SIDT2: variants seen among roughly 807,000 people sequenced by gnomAD.
SIDT2 encodes the protein SID1 transmembrane family, member 2.
In SIDT2, 68 loss-of-function variants were observed where a neutral mutation model predicts 114.4. The ratio of observed to expected loss-of-function variants is 0.59; its 90% CI spans 0.49 to 0.73. SIDT2 has a LOEUF of 0.73. Among genes scored for constraint, SIDT2 ranks in the 30% least tolerant of loss-of-function variants. The pLI is 0.00. For missense variants in SIDT2, 918 were observed against 1,097.1 expected, an observed-to-expected ratio of 0.84 and a Z score of 2.31; for synonymous variants, 470 against 438.4, an observed-to-expected ratio of 1.07 and a Z score of -0.90.
intron 18 of SIDT2, chr11:117,191,578 C>T (rs958918685): frequency 5.6e-5 from 20 of 356,682 alleles, no homozygotes; most frequent in Admixed American, 3.1e-4. Flanking sequence ...AGTGAGACTC[C>T]GTCTCCAAAA....
rs908573504 is a variant in SIDT2, at chr11:117,189,559, C to T, written c.1419+158C>T. ...AGTGACCCAGGGCAAATCACATAAC[C>T]CCCCCAACCCTGAGTGTCAGTTTCT... On this transcript the variant is annotated intron_variant, in intron 15 of 25. Coordinates refer to ENST00000324225, the MANE Select transcript of SIDT2 (RefSeq NM_001040455.2). 23 of 718,140 alleles carry T rather than the reference C, an allele frequency of 3.2e-5. No individual in the cohort carries two copies. The African/African-American group carries it at 3.6e-4, about 11-fold the overall frequency. 44.5% of individuals were successfully genotyped at this position (718,140 alleles called of 1,614,324 possible). A position where few individuals can be genotyped will look rare whatever the true frequency, so the allele number is the denominator to read the frequency against.
In SIDT2 at chr11:117,182,788, G is replaced by A; in HGVS notation, c.684G>A (p.Lys228=). ...GCATGTACCAGACGATGACCAAGAAGGCGGCCATCACCGTACAGGTAGGAA... is the reference window on the plus strand; with the variant it reads ...GCATGTACCAGACGATGACCAAGAAAGCGGCCATCACCGTACAGGTAGGAA... ...FIGMYQTMTK[K]AAITVQRKDF... The change falls in exon 6 of 26, where the codon AAG becomes AAA. Residue 228 remains lysine, a synonymous_variant. Coordinates refer to ENST00000324225, the MANE Select transcript of SIDT2 (RefSeq NM_001040455.2). The A allele has an allele frequency of 6.2e-7, 1 of 1,614,042 alleles. No individual in the cohort carries two copies. The highest frequency in any genetic ancestry group is 8.5e-7 in the Non-Finnish European group (1 of 1,179,974).
Position 117,196,106 on chromosome 11 carries a change from GCTC to G in SIDT2, c.*43_*45del, listed in dbSNP as rs1565290595. Reference sequence around the variant, plus strand: ...TTCGCTTCACCTCAAGGGGCCCTGAGCTCCTTTGTGTCATAGACCGGTCACTCT... The same window carrying G: ...TTCGCTTCACCTCAAGGGGCCCTGAGCTTTGTGTCATAGACCGGTCACTCT... On this transcript the variant is annotated 3_prime_UTR_variant, in exon 26 of 26. Transcript: ENST00000324225. This position sits in a 1 kb window ranked among gnomAD's most constrained non-coding sequence, Gnocchi z 4.9. 1 of 1,613,400 alleles carries G rather than the reference GCTC, an allele frequency of 6.2e-7. No individual in the cohort carries two copies. Among genetic ancestry groups the G allele is most frequent in the South Asian group, 1.1e-5 (1 of 91,050 alleles).
At chr11:117,185,347 C>A (rs962543816) in intron 8 of SIDT2, among the ~76,000 whole-genome samples, 11 of 151,962 alleles carry the variant, frequency 7.2e-5, no homozygotes, top group African/African-American at 2.7e-4. Context: ...CGCGCCCGGC[C>A]AGGGTGCCTC....
rs369675869 is a variant in SIDT2 at position 117,196,125 on chromosome 11, C to T, written c.*59C>T. On this transcript the variant is annotated 3_prime_UTR_variant, in exon 26 of 26. Coordinates refer to ENST00000324225, the MANE Select transcript of SIDT2 (RefSeq NM_001040455.2). This position sits in a 1 kb window ranked among gnomAD's most constrained non-coding sequence, Gnocchi z 4.9. ...CCCTGAGCTCCTTTGTGTCATAGAC[C>T]GGTCACTCTGTCGTGCTGTGGGGAT... 2.6e-4 allele frequency: 422 copies of T among 1,608,476 alleles called. 1 individual carries two copies. Among genetic ancestry groups the T allele is most frequent in the South Asian group, 8.5e-4 (77 of 90,828 alleles).
At chr11:117,189,888 G>A in intron 15 of SIDT2, 64 bp from the exon 16 acceptor site, 2 of 1,545,616 alleles carry the variant, frequency 1.3e-6, no homozygotes, top group Non-Finnish European at 8.9e-7. Context: ...GGGCCCGGAT[G>A]GCGGGGCGTG....
At position 117,196,163 on chromosome 11, in the gene SIDT2, C is replaced by T. The variant is rs1205324219; in HGVS notation, c.*97C>T. ...GTGCTGTGGGGATGAGTCCCAGCACCGCTGCCCAGCACTGGATGGCAGCAG... is the reference window on the plus strand; with the variant it reads ...GTGCTGTGGGGATGAGTCCCAGCACTGCTGCCCAGCACTGGATGGCAGCAG... On this transcript the variant is annotated 3_prime_UTR_variant, in exon 26 of 26. Coordinates refer to ENST00000324225, the MANE Select transcript of SIDT2 (RefSeq NM_001040455.2). This position sits in a 1 kb window ranked among gnomAD's most constrained non-coding sequence, Gnocchi z 4.9. The T allele has an allele frequency of 2.8e-5, 42 of 1,508,248 alleles. No individual in the cohort carries two copies. The highest frequency in any genetic ancestry group is 3.9e-4 in the Middle Eastern group (2 of 5,098). The allele number at this position is 1,508,248 out of a possible 1,614,324, so 93.4% of individuals were successfully genotyped here.
chr11:117,182,700 C>A, intron 5 of SIDT2, 23 bp from the exon 6 acceptor site: 1 of 1,614,026 alleles, frequency 6.2e-7, no homozygotes, highest in Non-Finnish European at 8.5e-7. Context: ...TCCCATCCAT[C>A]TGCCTCTCCC....
chr11:117,187,460 A>G lies in SIDT2; in HGVS notation c.1087+11A>G. 6.2e-7 allele frequency: 1 copy of G among 1,613,726 alleles called. No homozygotes were observed. The highest frequency in any genetic ancestry group is 8.5e-7 in the Non-Finnish European group (1 of 1,179,742). Reference sequence around the variant, plus strand: ...ACTATGGCTCCTTTGGTACGTGTCAAAGCCAGCACCGTGCTTGCTGGGGAC... The same window carrying G: ...ACTATGGCTCCTTTGGTACGTGTCAGAGCCAGCACCGTGCTTGCTGGGGAC... On this transcript the variant is annotated intron_variant, in intron 11 of 25. Transcript: ENST00000324225.
chr11:117,190,523 C>A lies in SIDT2; in HGVS notation c.1618-100C>A. Reference sequence around the variant, plus strand: ...ACCCACACTCGACACATACCCCACCCCTTTTCCTCTTCCACTCCTCTTAGG... The same window carrying A: ...ACCCACACTCGACACATACCCCACCACTTTTCCTCTTCCACTCCTCTTAGG... On this transcript the variant is annotated intron_variant, in intron 17 of 25. Transcript: ENST00000324225. This position sits in a 1 kb window ranked among gnomAD's most constrained non-coding sequence, Gnocchi z 4.1. 2.6e-6 allele frequency: 3 copies of A among 1,163,704 alleles called. No individual in the cohort carries two copies. The highest frequency in any genetic ancestry group is 3.7e-6 in the Non-Finnish European group (3 of 811,866). The allele number at this position is 1,163,704 out of a possible 1,614,324, so 72.1% of individuals were successfully genotyped here.
intron 10 of SIDT2, among the ~76,000 whole-genome samples, chr11:117,187,162 A>G (rs1481834703): frequency 1.3e-5 from 2 of 151,574 alleles, no homozygotes; most frequent in African/African-American, 4.9e-5. Context: ...CTTAGGGAAG[A>G]CAAAGGGTGG....
At chr11:117,187,302 C>T (rs1455074402) in intron 10 of SIDT2, 76 bp from the exon 11 acceptor site, 2 of 1,417,704 alleles carry the variant, frequency 1.4e-6, no homozygotes, top group African/African-American at 1.4e-5. Context: ...CTTCTCTGGA[C>T]CTTTCTTTGT....
chr11:117,191,899 TC>T lies in SIDT2; in HGVS notation c.1758del (p.Ile586MetfsTer7). The T allele has an allele frequency of 6.2e-7, 1 of 1,614,078 alleles. No homozygotes were observed. Among genetic ancestry groups the T allele is most frequent in the Non-Finnish European group, 8.5e-7 (1 of 1,180,020 alleles). ...CTAGACACATCGTTCATGTACATGA[TC>T]GCCGGACTCTGCATGCTGAAGCTCT... The part of the protein sequence containing the change: ...FQFDTSFMYM[I>X]AGLCMLKLYQ... On this transcript the variant is annotated frameshift_variant, in exon 19 of 26. Coordinates refer to ENST00000324225, the MANE Select transcript of SIDT2 (RefSeq NM_001040455.2). LOFTEE classifies it high-confidence loss of function.
intron 3 of SIDT2, 39 bp from the exon 4 acceptor site, chr11:117,182,021 T>C (rs1181233550): frequency 6.2e-7 from 1 of 1,613,954 alleles, no homozygotes; most frequent in Non-Finnish European, 8.5e-7. Flanking sequence ...TTCCCCAGGC[T>C]CCGGGGGTGA....
chr11:117,192,907 C>CT lies in SIDT2; in HGVS notation c.2105+42dup, dbSNP rs773575158. On this transcript the variant is annotated intron_variant, in intron 22 of 25. Coordinates refer to ENST00000324225, the MANE Select transcript of SIDT2 (RefSeq NM_001040455.2). This position sits in a 1 kb window ranked among gnomAD's most constrained non-coding sequence, Gnocchi z 5.9. ...AGTAGTGGCCTGGTTGGGTGGACAG[C>CT]TGGGGACTCGGTCAGCCACTGGCTG... The CT allele has an allele frequency of 3.1e-6, 5 of 1,613,328 alleles. No individual in the cohort carries two copies. The highest frequency in any genetic ancestry group is 3.4e-6 in the Non-Finnish European group (4 of 1,179,370).
intron 24 of SIDT2, among the ~76,000 whole-genome samples, chr11:117,194,551 G>GC (rs1417904445): frequency 1.3e-5 from 2 of 152,206 alleles, no homozygotes; most frequent in Non-Finnish European, 1.5e-5. Context: ...CCTACCACAT[G>GC]TCAGGCTTTA....
rs779781974 is a variant in SIDT2, at chr11:117,182,089, C to T, written c.500C>T (p.Thr167Ile). Residue 167 changes from threonine to isoleucine, a missense_variant, in exon 4 of 26, where the codon ACA becomes ATA. By Grantham distance (89) the Thr-to-Ile change is moderately conservative. Coordinates refer to ENST00000324225, the MANE Select transcript of SIDT2 (RefSeq NM_001040455.2). Reference sequence around the variant, plus strand: ...GGGGAGCAGTTCAGCTTCAATACCACAGCAGCACAGCCCCAGGTAACATCT... The same window carrying T: ...GGGGAGCAGTTCAGCTTCAATACCATAGCAGCACAGCCCCAGGTAACATCT... The part of the protein sequence containing the change: ...RTGEQFSFNT[T>I]AAQPQYFKYE... 5.6e-6 allele frequency: 9 copies of T among 1,614,058 alleles called. No homozygotes were observed. Among genetic ancestry groups the T allele is most frequent in the African/African-American group, 1.3e-5 (1 of 75,054 alleles).
At position 117,193,905 on chromosome 11, in the gene SIDT2, C is replaced by A; in HGVS notation, c.2264C>A (p.Thr755Asn). The change falls in exon 24 of 26, where the codon ACC (threonine) becomes AAC (asparagine). Residue 755 changes from threonine (T) to asparagine (N), a missense_variant. Transcript: ENST00000324225. ...KLIPLLCIVC[T>N]SVVWGFALFF... ...ATCCCCCTGCTCTGCATCGTTTGCA[C>A]CTCCGTGGTCTGGGGCTTCGCGCTC... is the stretch of plus-strand genomic sequence containing the variant. 6.2e-7 allele frequency: 1 copy of A among 1,614,146 alleles called. No homozygotes were observed. Among genetic ancestry groups the A allele is most frequent in the Non-Finnish European group, 8.5e-7 (1 of 1,180,038 alleles).
At position 117,192,684 on chromosome 11, in the gene SIDT2, A is replaced by G. The variant is rs1189460531; in HGVS notation, c.2058+34A>G. The G allele has an allele frequency of 2.5e-6, 4 of 1,612,706 alleles. No homozygotes were observed. Among genetic ancestry groups the G allele is most frequent in the South Asian group, 2.2e-5 (2 of 91,080 alleles). On this transcript the variant is annotated intron_variant, in intron 21 of 25. Coordinates refer to ENST00000324225, the MANE Select transcript of SIDT2 (RefSeq NM_001040455.2). The surrounding 1 kb of genome is among the most constrained non-coding windows in gnomAD (Gnocchi z 5.9). The stretch of plus-strand genomic sequence containing the variant: ...CTGGTTCCCCTGCTCCATTCTCCAC[A>G]TCTCCTTTCTTCCCTCTGATGGGGG...
Sources: gnomAD v4.1 joint callset for allele counts (sites outside exome capture counted in the v4.1 genomes callset) on GRCh38, gnomAD v4.1.1 for gene constraint, Gnocchi (gnomAD v3.1) non-coding constraint, MANE v1.5 for transcripts, NCBI Gene and HGNC (gene_info 2026-07-23, HGNC 2026-07-21) for gene names.